The following ACTG1 variants were observed in gnomAD, a reference collection of about 807,000 sequenced individuals.
ACTG1 encodes the protein actin, cytoplasmic 2.
Under a neutral mutation model 34.3 loss-of-function variants are expected in ACTG1, and 14 were observed. The observed-to-expected ratio is 0.41, with a 90% confidence interval of 0.27 to 0.64. The LOEUF is 0.64. Ranked by LOEUF, ACTG1 falls within the 30% of genes least tolerant of loss-of-function variation. The pLI is 0.33. For missense variants in ACTG1, 233 were observed against 529.5 expected (o/e 0.44, Z 5.50); for synonymous variants, 422 against 213.9 (o/e 1.97, Z -8.49).
chr17:81,511,800 G>A (rs781901272), intron 3 of ACTG1, 103 bp downstream of exon 3: 20 of 1,590,034 alleles, frequency 1.3e-5, no homozygotes, highest in Admixed American at 3.4e-5. Context: ...GAGAGGAACA[G>A]AGCCTGGAAC....
At position 81,512,388 on chromosome 17, in the gene ACTG1, G is replaced by A. The variant is rs782104672; in HGVS notation, c.-6-28C>T. On this transcript the variant is annotated intron_variant, in intron 1 of 5. Coordinates refer to ENST00000573283, the MANE Select transcript of ACTG1 (RefSeq NM_001614.5). ...GCCCGGAAAAGGATGGACTCAGGCGGGCGCGTCTGTAACACGGTCCCCTCC... is the reference window on the plus strand; with the variant it reads ...GCCCGGAAAAGGATGGACTCAGGCGAGCGCGTCTGTAACACGGTCCCCTCC... The A allele has an allele frequency of 2.0e-5, 33 of 1,613,620 alleles. 1 individual carries two copies. Among genetic ancestry groups the A allele is most frequent in the African/African-American group, 5.3e-5 (4 of 74,938 alleles).
rs562047291 is a variant in ACTG1, at chr17:81,512,241, G to C, written c.114C>G (p.Pro38=). The change falls in exon 2 of 6, where the codon CCC becomes CCG. Residue 38 remains proline, a synonymous_variant. Transcript: ENST00000573283. ...GGCGCCATCCACTCACCTGGTGTCTGGGGCGCCCGACGATGGAAGGAAACA... is the reference window on the plus strand; with the variant it reads ...GGCGCCATCCACTCACCTGGTGTCTCGGGCGCCCGACGATGGAAGGAAACA... ...RAVFPSIVGR[P]RHQGVMVGMG... is the part of the protein sequence containing the mutation. 1.2e-6 allele frequency: 2 copies of C among 1,613,692 alleles called. No individual in the cohort carries two copies. Among genetic ancestry groups the C allele is most frequent in the East Asian group, 2.2e-5 (1 of 44,872 alleles).
chr17:81,511,790 G>A (rs781918976), intron 3 of ACTG1, 113 bp downstream of exon 3: 25 of 1,575,476 alleles, frequency 1.6e-5, no homozygotes, highest in African/African-American at 6.8e-5. Context: ...GAAATGCCGG[G>A]AGAGGAACAG....
rs550314896 is a variant in ACTG1 at position 81,510,094 on chromosome 17, C to CA, written c.*595dup. ...TCTTCAAAGAATCGAGAATTGCGTA[C>CA]AAAAAAAACCTTACATAAATTAAGA... On this transcript the variant is annotated 3_prime_UTR_variant, in exon 6 of 6. Transcript: ENST00000573283. The CA allele has an allele frequency of 5.8e-5, 27 of 461,798 alleles. No homozygotes were observed. The highest frequency in any genetic ancestry group is 8.9e-5 in the Non-Finnish European group (21 of 235,254). The allele number at this position is 461,798 out of a possible 1,614,324, so 28.6% of individuals were successfully genotyped here. A position where few individuals can be genotyped will look rare whatever the true frequency, so the allele number is the denominator to read the frequency against.
intron 1 of ACTG1, 125 bp downstream of exon 1, chr17:81,512,609 G>A (rs1880135527): frequency 5.4e-6 from 3 of 560,502 alleles, no homozygotes; most frequent in Non-Finnish European, 6.3e-6. Context: ...GCCTGACCCG[G>A]CCCACCCCGC....
rs782049485 is a variant in ACTG1, at chr17:81,511,089, G to A, written c.822C>T (p.Ile274=). The A allele has an allele frequency of 1.9e-6, 3 of 1,613,902 alleles. No individual in the cohort carries two copies. Among genetic ancestry groups the A allele is most frequent in the Admixed American group, 3.3e-5 (2 of 60,010 alleles). The part of the protein sequence containing the change: ...PSFLGMESCG[I]HETTFNSIMK... ...TGATGGAGTTGAAGGTGGTCTCGTG[G>A]ATGCCGCAAGATTCCATACCTAGGG... Residue 274 remains isoleucine (I), a synonymous_variant, in exon 5 of 6, where the codon ATC becomes ATT. Transcript: ENST00000573283.
intron 3 of ACTG1, 127 bp downstream of exon 3, chr17:81,511,776 G>T: frequency 6.4e-7 from 1 of 1,557,744 alleles, no homozygotes; most frequent in Non-Finnish European, 8.7e-7. Context: ...GAGGCTTCAG[G>T]GAGGAAATGC....
rs1384523707 is a variant in ACTG1 at position 81,510,358 on chromosome 17, C to A, written c.*332G>T. 41 of 453,948 alleles carry A rather than the reference C, an allele frequency of 9.0e-5. No individual in the cohort carries two copies. Among genetic ancestry groups the A allele is most frequent in the Admixed American group, 7.7e-4 (28 of 36,204 alleles). 28.1% of individuals were successfully genotyped at this position (453,948 alleles called of 1,614,324 possible). On this transcript the variant is annotated 3_prime_UTR_variant, in exon 6 of 6. Coordinates refer to ENST00000573283, the MANE Select transcript of ACTG1 (RefSeq NM_001614.5). ...CACAGATCAGAGGCTGCTGGCCACA[C>A]AGACTCACCAAGCCACAGACTTGTC...
Position 81,511,404 on chromosome 17 carries a change from G to A in ACTG1, c.586C>T (p.Arg196Ter). 2.5e-6 allele frequency: 4 copies of A among 1,613,942 alleles called. No individual in the cohort carries two copies. The highest frequency in any genetic ancestry group is 2.5e-6 in the Non-Finnish European group (3 of 1,180,042). Residue 196 changes from arginine to a stop codon, truncating the protein, a stop_gained, in exon 4 of 6, where the codon CGA becomes TGA. Transcript: ENST00000573283. LOFTEE classifies it high-confidence loss of function. ...TDYLMKILTE[R>*]GYSFTTTAER... is the part of the protein sequence containing the mutation. ...GCCGTGGTGGTGAAGCTGTAGCCTC[G>A]CTCAGTGAGGATCTTCATGAGGTAG...
At chr17:81,512,649 C>A (rs2031890851) in intron 1 of ACTG1, 85 bp downstream of exon 1, 1 of 456,696 alleles carries the variant, frequency 2.2e-6, no homozygotes, top group Non-Finnish European at 4.0e-6. Flanking sequence ...CGCGACGAGG[C>A]CTCGGCAGCT....
At position 81,510,683 on chromosome 17, in the gene ACTG1, A is replaced by G; in HGVS notation, c.*7T>C. ...TGCAGCAAATGCTACGCATCTGCTG[A>G]GTCCGTTTAGAAGCATTTGCGGTGG... On this transcript the variant is annotated 3_prime_UTR_variant, in exon 6 of 6. Transcript: ENST00000573283. The G allele has an allele frequency of 6.2e-7, 1 of 1,613,898 alleles. No homozygotes were observed. Among genetic ancestry groups the G allele is most frequent in the African/African-American group, 1.3e-5 (1 of 75,048 alleles).
rs11549195 is a variant in ACTG1 at position 81,512,313 on chromosome 17, G to A, written c.42C>T (p.Ser14=). 84 of 1,613,968 alleles carry A rather than the reference G, an allele frequency of 5.2e-5. No individual in the cohort carries two copies. The highest frequency in any genetic ancestry group is 3.3e-4 in the Middle Eastern group (2 of 6,062). ...CAGCAAAACCAGCTTTGCACATGCC[G>A]GAGCCATTGTCAATGACCAGCGCGG... is the stretch of plus-strand genomic sequence containing the variant. ...EIAALVIDNG[S]GMCKAGFAGD... is the part of the protein sequence containing the mutation. The change falls in exon 2 of 6, where the codon TCC becomes TCT. Residue 14 remains serine (S), a synonymous_variant. Coordinates refer to ENST00000573283, the MANE Select transcript of ACTG1 (RefSeq NM_001614.5).
Position 81,509,976 on chromosome 17 carries a change from TACGGCAGC to T in ACTG1, c.*706_*713del. The T allele has an allele frequency of 2.6e-6, 1 of 388,740 alleles. No individual in the cohort carries two copies. The allele number at this position is 388,740 out of a possible 1,614,324, so 24.1% of individuals were successfully genotyped here. ...CCCCAAACAGGAGCCATTCATTGGTTACGGCAGCACTTTTATTTTTCCTTACACAATGA... is the reference window on the plus strand; with the variant it reads ...CCCCAAACAGGAGCCATTCATTGGTTACTTTTATTTTTCCTTACACAATGA... On this transcript the variant is annotated 3_prime_UTR_variant, in exon 6 of 6. Coordinates refer to ENST00000573283, the MANE Select transcript of ACTG1 (RefSeq NM_001614.5).
intron 3 of ACTG1, 34 bp downstream of exon 3, chr17:81,511,869 G>A (rs1555667003): frequency 4.3e-6 from 7 of 1,613,656 alleles, no homozygotes; most frequent in Admixed American, 1.7e-5. Context: ...CTGGGGAAAG[G>A]ACGGGAGGAG....
intron 1 of ACTG1, 52 bp downstream of exon 1, chr17:81,512,682 G>C (rs936225521): frequency 7.5e-6 from 3 of 399,122 alleles, no homozygotes; most frequent in South Asian, 4.0e-5. Context: ...AGCCGGGGTC[G>C]GGGGGCGCAG....
intron 1 of ACTG1, 120 bp from the exon 2 acceptor site, chr17:81,512,480 T>TC: frequency 6.5e-7 from 1 of 1,542,568 alleles, no homozygotes; most frequent in Non-Finnish European, 8.9e-7. Context: ...GGCCGTGGCC[T>TC]CCAAGATCGC....
intron 1 of ACTG1, 163 bp downstream of exon 1, chr17:81,512,571 G>A: frequency 2.7e-6 from 2 of 753,878 alleles, no homozygotes; most frequent in Non-Finnish European, 4.3e-6. Flanking sequence ...CCCCGCCCTG[G>A]ACCCCCGGCG....
intron 3 of ACTG1, 65 bp downstream of exon 3, chr17:81,511,838 A>G (rs148632011): frequency 6.2e-7 from 1 of 1,609,608 alleles, no homozygotes; most frequent in Non-Finnish European, 8.5e-7. Context: ...AATGTCAGAA[A>G]TCAAGCCGGG....
At position 81,510,671 on chromosome 17, in the gene ACTG1, A is replaced by C. The variant is rs782501356; in HGVS notation, c.*19T>G. On this transcript the variant is annotated 3_prime_UTR_variant, in exon 6 of 6. Transcript: ENST00000573283. ...TCAATTAACCCATGCAGCAAATGCT[A>C]CGCATCTGCTGAGTCCGTTTAGAAG... The C allele has an allele frequency of 1.2e-6, 2 of 1,613,228 alleles. No homozygotes were observed. The highest frequency in any genetic ancestry group is 2.7e-5 in the African/African-American group (2 of 74,906).
Sources: gnomAD v4.1 joint callset for allele counts on GRCh38, gnomAD v4.1.1 for gene constraint, MANE v1.5 for transcripts, NCBI Gene and HGNC (gene_info 2026-07-23, HGNC 2026-07-21) for gene names.